CEP128: variants seen among roughly 807,000 people sequenced by gnomAD.
The protein encoded by CEP128 is centrosomal protein 128.
Under a neutral mutation model 156.7 loss-of-function variants are expected in CEP128, and 132 were observed. The ratio of observed to expected loss-of-function variants is 0.84; its 90% CI spans 0.73 to 0.97. The LOEUF (loss-of-function observed/expected upper bound fraction) is 0.97. Ranked by LOEUF, CEP128 falls within the 50% of genes least tolerant of loss-of-function variation. CEP128 has a pLI of 0.00. For synonymous variants in CEP128, 469 were observed against 448.9 expected, an observed-to-expected ratio of 1.04 and a Z score of -0.57; for missense variants, 1,252 against 1,281.9, an observed-to-expected ratio of 0.98 and a Z score of 0.36.
intron 23 of CEP128, among the ~76,000 whole-genome samples, chr14:80,511,082 G>A (rs1289988174): frequency 7.2e-6 from 1 of 138,642 alleles, no homozygotes; most frequent in Non-Finnish European, 1.5e-5. Context: ...TTTTTTATAT[G>A]TCTTCTTCTG....
At chr14:80,777,509 TAA>T (rs2139767962) in intron 16 of CEP128, among the ~76,000 whole-genome samples, 1 of 152,308 alleles carries the variant, frequency 6.6e-6, no homozygotes, top group Non-Finnish European at 1.5e-5. Context: ...TCAAACAGAC[TAA>T]GACACTAACT....
chr14:80,714,992 G>C (rs1012273485), intron 19 of CEP128, among the ~76,000 whole-genome samples: 4 of 152,128 alleles, frequency 2.6e-5, no homozygotes, highest in African/African-American at 9.7e-5. Context: ...GGAGGCCGTG[G>C]TGGGCGGATC....
At chr14:80,790,632 G>T (rs551921095) in intron 14 of CEP128, among the ~76,000 whole-genome samples, 1 of 151,916 alleles carries the variant, frequency 6.6e-6, no homozygotes, top group East Asian at 1.9e-4. Context: ...CTTCAGTAAT[G>T]AAGTAGTTTT....
Position 80,496,772 on chromosome 14 carries a change from T to C in CEP128, c.*707A>G, listed in dbSNP as rs1887511927. On this transcript the variant is annotated 3_prime_UTR_variant, in exon 25 of 25. Transcript: ENST00000555265. ...AAGACGGTCCAGGATATGACTGAAGTGATCACAGTAGGATATTTGGCCACA... is the reference window on the plus strand; with the variant it reads ...AAGACGGTCCAGGATATGACTGAAGCGATCACAGTAGGATATTTGGCCACA... 6.6e-6 allele frequency: 1 copy of C among 152,144 alleles called. No individual in the cohort carries two copies. The highest frequency in any genetic ancestry group is 1.5e-5 in the Non-Finnish European group (1 of 68,018). 9.4% of individuals were successfully genotyped at this position (152,144 alleles called of 1,614,324 possible). A position where few individuals can be genotyped will look rare whatever the true frequency, so the allele number is the denominator to read the frequency against.
At chr14:80,765,493 G>C (rs553360418) in intron 16 of CEP128, among the ~76,000 whole-genome samples, 1 of 152,250 alleles carries the variant, frequency 6.6e-6, no homozygotes, top group South Asian at 2.1e-4. Flanking sequence ...GATTCTACAA[G>C]ATTAACAAAA....
At chr14:80,766,266 A>G (rs936857988) in intron 16 of CEP128, among the ~76,000 whole-genome samples, 1 of 152,192 alleles carries the variant, frequency 6.6e-6, no homozygotes, top group African/African-American at 2.4e-5. Flanking sequence ...TAGGACAAGA[A>G]AGGCTCATAT....
intron 8 of CEP128, among the ~76,000 whole-genome samples, chr14:80,868,563 G>A (rs1014197288): frequency 2.0e-5 from 3 of 151,586 alleles, no homozygotes; most frequent in African/African-American, 7.3e-5. Context: ...AATCACAAAG[G>A]AAGACAGAGA....
At chr14:80,665,205 G>A (rs1895562895) in intron 19 of CEP128, among the ~76,000 whole-genome samples, 1 of 152,060 alleles carries the variant, frequency 6.6e-6, no homozygotes. Context: ...CATGACTAGG[G>A]GCCAGTGGGG....
At position 80,497,553 on chromosome 14, in the gene CEP128, A is replaced by C. The variant is rs1167875353; in HGVS notation, c.3211T>G (p.Ser1071Ala). The C allele has an allele frequency of 1.9e-6, 3 of 1,613,142 alleles. No homozygotes were observed. Among genetic ancestry groups the C allele is most frequent in the Non-Finnish European group, 2.5e-6 (3 of 1,179,458 alleles). Residue 1071 changes from serine to alanine, a missense_variant, in exon 25 of 25, where the codon TCA becomes GCA. Ser to Ala is a moderately conservative substitution (Grantham distance 99). Coordinates refer to ENST00000555265, the MANE Select transcript of CEP128 (RefSeq NM_152446.5). ...SFTKRTVAPD[S>A]ASNKEDATMN... The stretch of plus-strand genomic sequence containing the variant: ...GTGGCATCTTCCTTGTTTGAAGCTG[A>C]ATCTGGAGCAACAGTTCTTTTGGTA...
At chr14:80,675,435 C>T (rs1004973094) in intron 19 of CEP128, among the ~76,000 whole-genome samples, 6 of 152,032 alleles carry the variant, frequency 3.9e-5, no homozygotes, top group Non-Finnish European at 7.4e-5. Flanking sequence ...TGATCCATAA[C>T]GCTTCAAACA....
intron 16 of CEP128, among the ~76,000 whole-genome samples, chr14:80,774,671 GTCCATAATTT>G (rs1437248531): frequency 2.6e-5 from 4 of 151,738 alleles, no homozygotes; most frequent in African/African-American, 9.7e-5. Flanking sequence ...ATACCTCTTT[GTCCATAATTT>G]ACTTATAAAT....
chr14:80,891,854 A>C (rs73344006), intron 8 of CEP128, among the ~76,000 whole-genome samples: 3,989 of 151,994 alleles, frequency 0.026, 190 homozygotes, highest in African/African-American at 0.09. Flanking sequence ...GAATAAATTT[A>C]ACAAAGGTGA....
intron 13 of CEP128, among the ~76,000 whole-genome samples, chr14:80,804,273 A>T (rs1293373807): frequency 6.6e-6 from 1 of 152,150 alleles, no homozygotes; most frequent in Admixed American, 6.5e-5. Flanking sequence ...AACTGCAATG[A>T]TGTGTTTCAT....
intron 19 of CEP128, among the ~76,000 whole-genome samples, chr14:80,664,875 T>C (rs1895548580): frequency 6.6e-6 from 1 of 152,144 alleles, no homozygotes. Context: ...AGAGTGAAAA[T>C]CTACAATCCT....
At chr14:80,845,284 C>T (rs1394557314) in intron 9 of CEP128, among the ~76,000 whole-genome samples, 4 of 152,014 alleles carry the variant, frequency 2.6e-5, no homozygotes, top group African/African-American at 4.8e-5. Flanking sequence ...AGTATTATTC[C>T]CTAACATGCC....
intron 19 of CEP128, among the ~76,000 whole-genome samples, chr14:80,640,977 C>G (rs570848052): frequency 6.6e-6 from 1 of 152,184 alleles, no homozygotes; most frequent in Non-Finnish European, 1.5e-5. Flanking sequence ...AATGCATTTA[C>G]ATTCCTTGAG....
chr14:80,868,104 C>T (rs1887858176), intron 8 of CEP128, among the ~76,000 whole-genome samples: 1 of 152,016 alleles, frequency 6.6e-6, no homozygotes, highest in African/African-American at 2.4e-5. Flanking sequence ...CCAAGAATAT[C>T]ATAACCATTA....
intron 19 of CEP128, among the ~76,000 whole-genome samples, chr14:80,608,085 T>A (rs912563130): frequency 2.6e-5 from 4 of 152,232 alleles, no homozygotes; most frequent in Admixed American, 6.5e-5. Context: ...TTTATGTATC[T>A]GCTCAAAGGC....
In CEP128 at chr14:80,719,457, G is replaced by C. The variant is rs546248929; in HGVS notation, c.2806+23618C>G. ...CCCAATTTTAGGGCTCACCTTTCCT[G>C]TATCAGTTTCAGTGCCATGACCAAA... is the stretch of plus-strand genomic sequence containing the variant. On this transcript the variant is annotated intron_variant, in intron 19 of 24. Coordinates refer to ENST00000555265, the MANE Select transcript of CEP128 (RefSeq NM_152446.5). Among the ~76,000 whole-genome samples, 131 of 152,100 alleles carry C rather than the reference G, an allele frequency of 8.6e-4. 2 individuals are homozygous for C. The highest frequency in any genetic ancestry group is 4.1e-4 in the South Asian group (2 of 4,820).
Sources: allele counts gnomAD v4.1 joint callset (sites outside exome capture counted in the v4.1 genomes callset), GRCh38; gene constraint gnomAD v4.1.1; transcripts MANE v1.5; gene names NCBI Gene and HGNC (gene_info 2026-07-23, HGNC 2026-07-21).